The following DACH1 variants were observed in gnomAD, a reference collection of about 807,000 sequenced individuals.
The protein encoded by DACH1 is dachshund family transcription factor 1.
A neutral mutation model predicts 54.2 loss-of-function variants in DACH1; 12 were observed. That is an observed-to-expected ratio of 0.22 (90% CI 0.14 to 0.36). The LOEUF is 0.36. Among genes scored for constraint, DACH1 ranks in the 10% least tolerant of loss-of-function variants. DACH1 has a pLI of 1.00. For synonymous variants in DACH1, 386 were observed against 366.2 expected, an observed-to-expected ratio of 1.05 and a Z score of -0.62; for missense variants, 805 against 929.8, an observed-to-expected ratio of 0.87 and a Z score of 1.75.
intron 3 of DACH1, among the ~76,000 whole-genome samples, chr13:71,598,076 T>TAA (rs1874233381): frequency 8.1e-6 from 1 of 124,128 alleles, no homozygotes; most frequent in African/African-American, 3.8e-5. Context: ...CAAGACCCTG[T>TAA]CAAAAAAAAA....
chr13:71,462,063 G>T (rs901692803), intron 10 of DACH1, among the ~76,000 whole-genome samples: 1 of 151,802 alleles, frequency 6.6e-6, no homozygotes, highest in Non-Finnish European at 1.5e-5. Flanking sequence ...AATAAATAAA[G>T]AATGAAAGTC....
intron 3 of DACH1, among the ~76,000 whole-genome samples, chr13:71,619,572 T>C (rs1250749267): frequency 6.6e-6 from 1 of 152,074 alleles, no homozygotes; most frequent in East Asian, 1.9e-4. Flanking sequence ...GTAGAGAAAT[T>C]GAAATTGTAC....
At chr13:71,797,399 T>A (rs1197048621) in intron 1 of DACH1, among the ~76,000 whole-genome samples, 2 of 152,154 alleles carry the variant, frequency 1.3e-5, no homozygotes, top group African/African-American at 4.8e-5. Context: ...GGTAAGATGA[T>A]ACCCTTAAGA....
At chr13:71,837,826 A>G (rs1888857524) in intron 1 of DACH1, among the ~76,000 whole-genome samples, 1 of 150,250 alleles carries the variant, frequency 6.7e-6, no homozygotes, top group African/African-American at 2.4e-5. Flanking sequence ...ATGCAGCCAT[A>G]AAAAATGATG....
rs541750184 is a variant in DACH1 at position 71,761,422 on chromosome 13, ACTT to A, written c.849-79515_849-79513del. Among the ~76,000 whole-genome samples the A allele has an allele frequency of 2.0e-3, 311 of 152,286 alleles. 3 individuals are homozygous for A. Among genetic ancestry groups the A allele is most frequent in the African/African-American group, 6.9e-3 (287 of 41,544 alleles). ...TCCTATAGGTAGATTGTAACTATAAACTTCTTCTCTTTTCCTCTCAATTTTACA... is the reference window on the plus strand; with the variant it reads ...TCCTATAGGTAGATTGTAACTATAAACTTCTCTTTTCCTCTCAATTTTACA... On this transcript the variant is annotated intron_variant, in intron 1 of 10. Coordinates refer to ENST00000613252, the MANE Select transcript of DACH1 (RefSeq NM_080759.6).
chr13:71,682,051 C>T (rs1440000329), intron 1 of DACH1, 141 bp from the exon 2 acceptor site: 1 of 552,628 alleles, frequency 1.8e-6, no homozygotes, highest in Non-Finnish European at 3.2e-6. Context: ...AATAGACTTC[C>T]ATCACTAATT....
intron 1 of DACH1, among the ~76,000 whole-genome samples, chr13:71,861,512 T>G (rs561658619): frequency 1.3e-4 from 20 of 152,130 alleles, no homozygotes; most frequent in Admixed American, 1.3e-4. Context: ...ATTCTTATAT[T>G]TTATTCATAC....
chr13:71,623,265 G>A (rs1425768185), intron 3 of DACH1, among the ~76,000 whole-genome samples: 1 of 151,464 alleles, frequency 6.6e-6, no homozygotes, highest in African/African-American at 2.4e-5. Context: ...GCAGAATAAT[G>A]CTATCCAATT....
chr13:71,614,853 CAAAAA>C (rs397978208), intron 3 of DACH1, among the ~76,000 whole-genome samples: 6 of 48,926 alleles, frequency 1.2e-4, no homozygotes, highest in African/African-American at 4.5e-4. Context: ...AACTCTATCT[CAAAAA>C]AAAAAAAAAA....
intron 1 of DACH1, among the ~76,000 whole-genome samples, chr13:71,789,054 C>G (rs1287525097): frequency 6.6e-6 from 1 of 152,094 alleles, no homozygotes; most frequent in Non-Finnish European, 1.5e-5. Context: ...AAAAACCAGA[C>G]TGGAAAATAA....
intron 1 of DACH1, among the ~76,000 whole-genome samples, chr13:71,833,726 C>T (rs934617630): frequency 3.3e-5 from 5 of 152,004 alleles, no homozygotes; most frequent in Middle Eastern, 3.4e-3. Context: ...TAAAGACCTT[C>T]GACAGTGTCA....
chr13:71,771,329 AT>A (rs926143046), intron 1 of DACH1, among the ~76,000 whole-genome samples: 8 of 150,184 alleles, frequency 5.3e-5, no homozygotes, highest in Non-Finnish European at 1.0e-4. Context: ...AAATAAATAA[AT>A]AAATAAATAA....
Position 71,815,279 on chromosome 13 carries a change from T to C in DACH1, c.848+50643A>G, listed in dbSNP as rs561816244. On this transcript the variant is annotated intron_variant, in intron 1 of 10. Transcript: ENST00000613252. ...CCAAGTAAAAACCACCACAGACTGTTTTCTAGGTGTGGGTTTGAAAGTATT... is the reference window on the plus strand; with the variant it reads ...CCAAGTAAAAACCACCACAGACTGTCTTCTAGGTGTGGGTTTGAAAGTATT... Among the ~76,000 whole-genome samples, 21 of 149,830 alleles carry C rather than the reference T, an allele frequency of 1.4e-4. No individual in the cohort carries two copies. In the South Asian group the frequency reaches 4.6e-3, roughly 33 times the overall value.
intron 1 of DACH1, among the ~76,000 whole-genome samples, chr13:71,850,473 A>G (rs2138262528): frequency 6.6e-6 from 1 of 152,256 alleles, no homozygotes; most frequent in Non-Finnish European, 1.5e-5. Flanking sequence ...ATGACCTGCT[A>G]ATAGCTTCCT....
At chr13:71,746,173 G>A (rs756457162) in intron 1 of DACH1, among the ~76,000 whole-genome samples, 1 of 152,104 alleles carries the variant, frequency 6.6e-6, no homozygotes, top group Non-Finnish European at 1.5e-5. Flanking sequence ...AGCCGAGATT[G>A]CGCCACTGCA....
At chr13:71,711,158 T>C (rs895198783) in intron 1 of DACH1, among the ~76,000 whole-genome samples, 1 of 152,116 alleles carries the variant, frequency 6.6e-6, no homozygotes, top group Non-Finnish European at 1.5e-5. Flanking sequence ...TAACACTTCA[T>C]GCACTGGGAA....
intron 2 of DACH1, among the ~76,000 whole-genome samples, chr13:71,631,359 C>A (rs958496331): frequency 3.9e-5 from 6 of 152,138 alleles, no homozygotes; most frequent in African/African-American, 1.4e-4. Flanking sequence ...CTGTTCTTCT[C>A]CCCCTGACCC....
chr13:71,782,470 AAAAAT>A (rs1262112261), intron 1 of DACH1, among the ~76,000 whole-genome samples: 1 of 152,034 alleles, frequency 6.6e-6, no homozygotes, highest in African/African-American at 2.4e-5. Context: ...AAATAGAAAT[AAAAAT>A]AAAATAAATA....
chr13:71,805,745 G>A (rs559726244), intron 1 of DACH1, among the ~76,000 whole-genome samples: 2 of 152,234 alleles, frequency 1.3e-5, no homozygotes, highest in Non-Finnish European at 1.5e-5. Flanking sequence ...TATTTTAACA[G>A]TGATACAAAG....
Sources: gnomAD v4.1 joint callset for allele counts (sites outside exome capture counted in the v4.1 genomes callset) on GRCh38, gnomAD v4.1.1 for gene constraint, MANE v1.5 for transcripts, NCBI Gene and HGNC (gene_info 2026-07-23, HGNC 2026-07-21) for gene names.